Variants in PTPRJ observed in about 807,000 individuals in gnomAD.
PTPRJ encodes the protein receptor-type tyrosine-protein phosphatase eta.
A neutral mutation model predicts 141.3 loss-of-function variants in PTPRJ; 129 were observed. The ratio of observed to expected loss-of-function variants is 0.91; its 90% CI spans 0.79 to 1.06. The LOEUF (loss-of-function observed/expected upper bound fraction) is 1.06. Among genes scored for constraint, PTPRJ ranks in the 50% least tolerant of loss-of-function variants. PTPRJ has a pLI of 0.00. For synonymous variants in PTPRJ, 610 were observed against 640.5 expected (o/e 0.95, Z 0.72); for missense variants, 1,601 against 1,679.7 (o/e 0.95, Z 0.82).
chr11:48,148,769 T>G (rs1857410794), intron 15 of PTPRJ, among the ~76,000 whole-genome samples: 1 of 152,172 alleles, frequency 6.6e-6, no homozygotes, highest in African/African-American at 2.4e-5. Context: ...TACAGAGTAT[T>G]CAACTGTATG....
Position 48,125,061 on chromosome 11 carries a change from A to C in PTPRJ, c.968A>C (p.Gln323Pro). 6.2e-7 allele frequency: 1 copy of C among 1,614,120 alleles called. No individual in the cohort carries two copies. Among genetic ancestry groups the C allele is most frequent in the South Asian group, 1.1e-5 (1 of 91,076 alleles). Residue 323 changes from glutamine to proline, a missense_variant, in exon 6 of 25, where the codon CAG becomes CCG. Physicochemically the swap from Gln to Pro is moderately conservative, Grantham distance 76. Coordinates refer to ENST00000418331, the MANE Select transcript of PTPRJ (RefSeq NM_002843.4). ...LVGPVDPSSG[Q>P]QSRDTEVLLV... ...GGACCTGTGGACCCATCCTCCGGCC[A>C]GCAGTCCCGAGACACGGAAGTCCTG...
chr11:48,136,587 A>C (rs777194873), intron 9 of PTPRJ, among the ~76,000 whole-genome samples: 1 of 152,070 alleles, frequency 6.6e-6, no homozygotes, highest in Non-Finnish European at 1.5e-5. Flanking sequence ...TCACCTTGTC[A>C]TGTTGGTATT....
At chr11:48,132,056 GA>G (rs531535848) in intron 8 of PTPRJ, 1 of 740,092 alleles carries the variant, frequency 1.4e-6, no homozygotes, top group South Asian at 6.1e-5. Flanking sequence ...CAAATTCTCT[GA>G]GAGCCTTAAT....
chr11:48,082,410 A>ATTT (rs386373791), intron 1 of PTPRJ, among the ~76,000 whole-genome samples: 2,893 of 124,990 alleles, frequency 0.023, 59 homozygotes, highest in African/African-American at 0.048. Context: ...TACCTGGCAA[A>ATTT]TTTTTTTTTT....
intron 3 of PTPRJ, among the ~76,000 whole-genome samples, chr11:48,115,985 C>T (rs1019083091): frequency 2.0e-5 from 3 of 152,018 alleles, no homozygotes; most frequent in African/African-American, 7.2e-5. Context: ...ATCACTTAAC[C>T]TCAAAGGAAG....
intron 14 of PTPRJ, 92 bp downstream of exon 14, chr11:48,145,216 C>T: frequency 6.5e-7 from 1 of 1,540,126 alleles, no homozygotes. Context: ...CTCCCTCAGA[C>T]CTTCAGGAGG....
At chr11:48,038,413 T>C (rs191564486) in intron 1 of PTPRJ, among the ~76,000 whole-genome samples, 1 of 152,154 alleles carries the variant, frequency 6.6e-6, no homozygotes, top group African/African-American at 2.4e-5. Flanking sequence ...CAGCCTTACT[T>C]TGGAGTTTTT....
chr11:48,062,539 T>G (rs1010844541), intron 1 of PTPRJ, among the ~76,000 whole-genome samples: 1 of 152,008 alleles, frequency 6.6e-6, no homozygotes, highest in African/African-American at 2.4e-5. Context: ...AAAACAGTGC[T>G]TGTTGTTCTT....
chr11:48,162,337 C>A (rs954676672), intron 22 of PTPRJ, among the ~76,000 whole-genome samples: 4 of 151,524 alleles, frequency 2.6e-5, no homozygotes, highest in African/African-American at 9.7e-5. Context: ...CTCTTCCTCT[C>A]CCCCTCCTTC....
intron 1 of PTPRJ, among the ~76,000 whole-genome samples, chr11:48,087,784 C>T (rs780773239): frequency 1.5e-4 from 23 of 152,168 alleles, no homozygotes; most frequent in Admixed American, 4.6e-4. Context: ...AAGGGGTTCA[C>T]GGGAGGATTT....
At chr11:48,006,646 T>A (rs1397055422) in intron 1 of PTPRJ, among the ~76,000 whole-genome samples, 1 of 152,124 alleles carries the variant, frequency 6.6e-6, no homozygotes, top group Non-Finnish European at 1.5e-5. Flanking sequence ...CCTCCCTCAT[T>A]CCTACTGAGC....
At chr11:48,107,514 C>T (rs1856324746) in intron 1 of PTPRJ, among the ~76,000 whole-genome samples, 1 of 152,102 alleles carries the variant, frequency 6.6e-6, no homozygotes, top group Admixed American at 6.5e-5. Flanking sequence ...GAACTGTGGG[C>T]CGTACTGCAT....
chr11:47,997,153 C>T (rs1024342072), intron 1 of PTPRJ, among the ~76,000 whole-genome samples: 8 of 152,226 alleles, frequency 5.3e-5, no homozygotes, highest in Admixed American at 5.2e-4. Flanking sequence ...GGATGTCCTG[C>T]AGCCTCCCTG....
At position 48,144,769 on chromosome 11, in the gene PTPRJ, A is replaced by T; in HGVS notation, c.2670A>T (p.Glu890Asp). The change falls in exon 13 of 25, where the codon GAA becomes GAT. Residue 890 changes from glutamate (E) to aspartate (D), a missense_variant. Transcript: ENST00000418331. Reference protein sequence around the residue: ...DTYVTYLIRTEEKGRSQSLSE... With the variant: ...DTYVTYLIRTDEKGRSQSLSE... ...ATGTGACATACCTCATAAGAACAGA[A>T]GAAAAGGGACGTTCTCAGAGCTTGT... The T allele has an allele frequency of 6.2e-7, 1 of 1,614,198 alleles. No individual in the cohort carries two copies. The highest frequency in any genetic ancestry group is 8.5e-7 in the Non-Finnish European group (1 of 1,180,000).
At chr11:48,012,774 A>G (rs938781865) in intron 1 of PTPRJ, among the ~76,000 whole-genome samples, 1 of 152,202 alleles carries the variant, frequency 6.6e-6, no homozygotes, top group African/African-American at 2.4e-5. Context: ...TTACTGAGAT[A>G]TAATTCACAT....
At chr11:48,018,910 T>TC (rs1855024842) in intron 1 of PTPRJ, among the ~76,000 whole-genome samples, 1 of 152,106 alleles carries the variant, frequency 6.6e-6, no homozygotes, top group Non-Finnish European at 1.5e-5. Flanking sequence ...GCCCTCCTTC[T>TC]CCCCGACCCC....
At position 48,123,829 on chromosome 11, in the gene PTPRJ, A is replaced by G. The variant is rs1168104534; in HGVS notation, c.833A>G (p.Asn278Ser). Residue 278 changes from asparagine to serine, a missense_variant, in exon 5 of 25, where the codon AAT becomes AGT. Transcript: ENST00000418331. The part of the protein sequence containing the change: ...YNINPYLLQS[N>S]KTKGDPLGTE... ...ATCAACCCGTATCTTCTACAATCAAATAAGACAAAGGGAGACCCCTTGGGC... is the reference window on the plus strand; with the variant it reads ...ATCAACCCGTATCTTCTACAATCAAGTAAGACAAAGGGAGACCCCTTGGGC... 3.7e-6 allele frequency: 6 copies of G among 1,614,120 alleles called. No individual in the cohort carries two copies. Among genetic ancestry groups the G allele is most frequent in the Non-Finnish European group, 5.1e-6 (6 of 1,179,970 alleles).
At chr11:48,148,077 TC>T (rs1857394313) in intron 15 of PTPRJ, among the ~76,000 whole-genome samples, 2 of 152,136 alleles carry the variant, frequency 1.3e-5, no homozygotes, top group African/African-American at 4.8e-5. Context: ...ACTCCTGACC[TC>T]AAGGGATCTG....
intron 23 of PTPRJ, among the ~76,000 whole-genome samples, chr11:48,164,082 A>C (rs1857852638): frequency 6.6e-6 from 1 of 152,168 alleles, no homozygotes; most frequent in East Asian, 1.9e-4. Flanking sequence ...AAATGGCTAA[A>C]ATGTGCCGCC....
Sources: gnomAD v4.1 joint callset for allele counts (sites outside exome capture counted in the v4.1 genomes callset) on GRCh38, gnomAD v4.1.1 for gene constraint, MANE v1.5 for transcripts, NCBI Gene and HGNC (gene_info 2026-07-23, HGNC 2026-07-21) for gene names.